Variants in TGM5 observed in about 807,000 individuals in gnomAD.
The protein encoded by TGM5 is transglutaminase 5, also known as protein-glutamine gamma-glutamyltransferase 5.
A neutral mutation model predicts 77.2 loss-of-function variants in TGM5; 69 were observed. The observed-to-expected ratio is 0.89, with a 90% confidence interval of 0.74 to 1.09. The LOEUF (loss-of-function observed/expected upper bound fraction) is 1.09. TGM5 is among the 50% of genes least tolerant of loss of function. TGM5 has a pLI of 0.00. For synonymous variants in TGM5, 346 were observed against 351.8 expected (o/e 0.98, Z 0.18); for missense variants, 842 against 896.5 (o/e 0.94, Z 0.78).
intron 1 of TGM5, among the ~76,000 whole-genome samples, chr15:43,262,896 GA>G (rs932376996): frequency 4.0e-5 from 6 of 151,584 alleles, no homozygotes; most frequent in South Asian, 2.1e-4. Flanking sequence ...TAGGCAAAAA[GA>G]AAAAAAATCA....
intron 4 of TGM5, among the ~76,000 whole-genome samples, chr15:43,255,861 C>T (rs970694181): frequency 3.3e-5 from 5 of 152,124 alleles, no homozygotes; most frequent in Non-Finnish European, 5.9e-5. Flanking sequence ...ATTAATATGA[C>T]GTTATTTTTA....
Position 43,233,042 on chromosome 15 carries a change from A to T in TGM5, c.*149T>A. 1.0e-6 allele frequency: 1 copy of T among 959,244 alleles called. No individual in the cohort carries two copies. Among genetic ancestry groups the T allele is most frequent in the Non-Finnish European group, 1.6e-6 (1 of 644,762 alleles). The allele number at this position is 959,244 out of a possible 1,614,324, so 59.4% of individuals were successfully genotyped here. A position where few individuals can be genotyped will look rare whatever the true frequency, so the allele number is the denominator to read the frequency against. On this transcript the variant is annotated 3_prime_UTR_variant, in exon 13 of 13. Transcript: ENST00000220420. Reference sequence around the variant, plus strand: ...CTTAAATTTCTAGTGGAGTCAGGAGAGACAGAAAATGAACACGTCATCCCC... The same window carrying T: ...CTTAAATTTCTAGTGGAGTCAGGAGTGACAGAAAATGAACACGTCATCCCC...
intron 6 of TGM5, among the ~76,000 whole-genome samples, chr15:43,249,617 T>C (rs1376803029): frequency 6.6e-6 from 1 of 152,214 alleles, no homozygotes; most frequent in Non-Finnish European, 1.5e-5. Context: ...GCATCCAGGC[T>C]ACTTCCCAGA....
At chr15:43,263,555 T>C (rs2042804551) in intron 1 of TGM5, among the ~76,000 whole-genome samples, 1 of 152,182 alleles carries the variant, frequency 6.6e-6, no homozygotes, top group South Asian at 2.1e-4. Context: ...GACAATTCAA[T>C]GGGGGAAAGA....
At chr15:43,239,708 T>C (rs2042619774) in intron 7 of TGM5, 1 of 218,006 alleles carries the variant, frequency 4.6e-6, no homozygotes, top group South Asian at 6.5e-5. Context: ...GTCTTCCTCT[T>C]GTGGACCTCT....
intron 1 of TGM5, among the ~76,000 whole-genome samples, chr15:43,263,765 C>T (rs762590673): frequency 6.6e-6 from 1 of 152,184 alleles, no homozygotes; most frequent in African/African-American, 2.4e-5. Flanking sequence ...AACAGCTTCT[C>T]AGATATGACA....
intron 6 of TGM5, among the ~76,000 whole-genome samples, chr15:43,249,575 C>T (rs1489947079): frequency 6.6e-6 from 1 of 152,220 alleles, no homozygotes; most frequent in African/African-American, 2.4e-5. Flanking sequence ...CAGAACATCA[C>T]TGTCCCCTCT....
chr15:43,266,757 C>T, intron 1 of TGM5, 83 bp downstream of exon 1: 1 of 1,543,764 alleles, frequency 6.5e-7, no homozygotes, highest in Non-Finnish European at 9.0e-7. Context: ...TTCTCTGAAT[C>T]CACCCTCCAC....
intron 4 of TGM5, among the ~76,000 whole-genome samples, chr15:43,254,245 T>C (rs2042728164): frequency 6.6e-6 from 1 of 152,224 alleles, no homozygotes. Flanking sequence ...GCCCTGGGTA[T>C]GTGCCCTCTC....
chr15:43,241,179 T>C (rs2042633494), intron 6 of TGM5, 189 bp from the exon 7 acceptor site: 4 of 755,752 alleles, frequency 5.3e-6, no homozygotes, highest in Non-Finnish European at 8.8e-6. Context: ...ATGGGAGAGA[T>C]TCTAGGCAAA....
chr15:43,260,031 C>T (rs372376970), intron 3 of TGM5, 21 bp downstream of exon 3: 24 of 1,612,540 alleles, frequency 1.5e-5, no homozygotes, highest in Non-Finnish European at 1.8e-5. Context: ...AGGAGGGCAC[C>T]GCCTGGGCAC....
intron 3 of TGM5, 140 bp downstream of exon 3, chr15:43,259,912 T>G: frequency 8.7e-7 from 1 of 1,143,936 alleles, no homozygotes; most frequent in Non-Finnish European, 1.3e-6. Context: ...TGATTGGTGG[T>G]AGTTGGGGCG....
intron 1 of TGM5, among the ~76,000 whole-genome samples, chr15:43,261,066 TTGTG>T (rs869266811): frequency 4.5e-4 from 32 of 70,804 alleles, no homozygotes; most frequent in South Asian, 2.0e-3. Context: ...CTTCCTTTTT[TTGTG>T]TGTGTGTTTT....
intron 6 of TGM5, among the ~76,000 whole-genome samples, chr15:43,252,411 G>A (rs526292): frequency 0.42 from 63,674 of 151,886 alleles, 15,562 homozygotes; most frequent in African/African-American, 0.67. Flanking sequence ...CTGCCCCCCC[G>A]GGTTCAAGCA....
intron 3 of TGM5, among the ~76,000 whole-genome samples, chr15:43,257,312 A>G (rs965645145): frequency 6.6e-6 from 1 of 152,240 alleles, no homozygotes; most frequent in Admixed American, 6.5e-5. Context: ...ATAGAGACGT[A>G]AGGCAGCAAA....
chr15:43,256,453 C>T (rs932855708), intron 4 of TGM5, 115 bp downstream of exon 4: 1 of 858,930 alleles, frequency 1.2e-6, no homozygotes, highest in Non-Finnish European at 2.0e-6. Context: ...ACACATCTTC[C>T]TCGTGCCATT....
At chr15:43,254,063 G>A (rs1416543818) in intron 4 of TGM5, among the ~76,000 whole-genome samples, 1 of 152,218 alleles carries the variant, frequency 6.6e-6, no homozygotes, top group Non-Finnish European at 1.5e-5. Context: ...AAGTGAGGGT[G>A]CCAACCTGCC....
intron 6 of TGM5, among the ~76,000 whole-genome samples, chr15:43,250,420 A>G (rs1158615722): frequency 1.3e-5 from 2 of 152,166 alleles, no homozygotes; most frequent in Non-Finnish European, 2.9e-5. Context: ...TTACTCAGCC[A>G]ATTAATGGTA....
rs554062253 is a variant in TGM5 at position 43,264,056 on chromosome 15, G to A, written c.10+2784C>T. On this transcript the variant is annotated intron_variant, in intron 1 of 12. Transcript: ENST00000220420. ...ATACGCAAAAGGCTAATAAATACAC[G>A]AAAAGATGCTCAACATCATTAGTCC... 2.9e-3 allele frequency among the ~76,000 whole-genome samples: 434 copies of A among 152,186 alleles called. 1 individual carries two copies. The highest frequency in any genetic ancestry group is 4.1e-3 in the Non-Finnish European group (280 of 67,996).
Sources: allele counts gnomAD v4.1 joint callset (sites outside exome capture counted in the v4.1 genomes callset), GRCh38; gene constraint gnomAD v4.1.1; transcripts MANE v1.5; gene names NCBI Gene and HGNC (gene_info 2026-07-23, HGNC 2026-07-21).